The following INPP5A variants were observed in gnomAD, a reference collection of about 807,000 sequenced individuals.
INPP5A encodes the protein 43 kDa inositol polyphosphate 5-phophatase.
Under a neutral mutation model 65.2 loss-of-function variants are expected in INPP5A, and 14 were observed. The ratio of observed to expected loss-of-function variants is 0.21; its 90% CI spans 0.14 to 0.34. The LOEUF is 0.34. INPP5A is among the 10% of genes least tolerant of loss of function. The pLI is 1.00. For synonymous variants in INPP5A, 207 were observed against 208.3 expected (o/e 0.99, Z 0.05); for missense variants, 431 against 545.6 (o/e 0.79, Z 2.09).
At chr10:132,672,624 C>A (rs1359402246) in intron 4 of INPP5A, among the ~76,000 whole-genome samples, 6 of 152,162 alleles carry the variant, frequency 3.9e-5, no homozygotes, top group Admixed American at 3.9e-4. Flanking sequence ...CCATATTAAA[C>A]CTCTTTCTTT....
intron 8 of INPP5A, among the ~76,000 whole-genome samples, chr10:132,712,237 C>T (rs573823748): frequency 1.8e-4 from 27 of 151,474 alleles, no homozygotes; most frequent in African/African-American, 5.8e-4. Flanking sequence ...GTGTGCACAC[C>T]TTGTGTGCAT....
Position 132,718,743 on chromosome 10 carries a change from T to G in INPP5A, c.648-8078T>G, listed in dbSNP as rs541114404. ...GGTTCTGTGGTACCTGGGTTCTGTC[T>G]GGGCACCTTAGACGACTGTCTTCAG... is the stretch of plus-strand genomic sequence containing the variant. On this transcript the variant is annotated intron_variant, in intron 8 of 15. Transcript: ENST00000368594. 1.7e-3 allele frequency among the ~76,000 whole-genome samples: 256 copies of G among 150,202 alleles called. 4 individuals carry two copies. The highest frequency in any genetic ancestry group is 6.0e-3 in the African/African-American group (246 of 40,906).
intron 6 of INPP5A, among the ~76,000 whole-genome samples, chr10:132,702,177 AAT>A (rs1166985391): frequency 6.6e-6 from 1 of 152,240 alleles, no homozygotes; most frequent in Non-Finnish European, 1.5e-5. Flanking sequence ...ATTTTCTACA[AAT>A]ACTTTAGAAA....
rs2070954154 is a variant in INPP5A, at chr10:132,545,211, T to C, written c.75+7040T>C. On this transcript the variant is annotated intron_variant, in intron 1 of 15. Coordinates refer to ENST00000368594, the MANE Select transcript of INPP5A (RefSeq NM_005539.5). The surrounding 1 kb of genome is among the most constrained non-coding windows in gnomAD (Gnocchi z 4.6). ...GGGGTCTGATTTTGGGGGAAGAGGCTGGTACTGGGGTGTTTCCGTGGACTT... is the reference window on the plus strand; with the variant it reads ...GGGGTCTGATTTTGGGGGAAGAGGCCGGTACTGGGGTGTTTCCGTGGACTT... Among the ~76,000 whole-genome samples, 1 of 152,110 alleles carries C rather than the reference T, an allele frequency of 6.6e-6. No individual in the cohort carries two copies. Among genetic ancestry groups the C allele is most frequent in the African/African-American group, 2.4e-5 (1 of 41,408 alleles).
At chr10:132,567,632 C>CT (rs1222691040) in intron 1 of INPP5A, among the ~76,000 whole-genome samples, 3 of 152,138 alleles carry the variant, frequency 2.0e-5, no homozygotes, top group Middle Eastern at 3.2e-3. Context: ...ACCCACCTCC[C>CT]TTTTCCGCTC....
chr10:132,661,856 G>A (rs755604814), intron 4 of INPP5A, among the ~76,000 whole-genome samples: 50 of 152,170 alleles, frequency 3.3e-4, no homozygotes, highest in African/African-American at 1.1e-3. Context: ...ACATTATGGA[G>A]AGTCTAGAAA....
chr10:132,669,056 C>T (rs375239810), intron 4 of INPP5A, among the ~76,000 whole-genome samples: 146 of 152,172 alleles, frequency 9.6e-4, no homozygotes, highest in African/African-American at 3.4e-3. Context: ...AGATAGAGAC[C>T]ATTCTGCCAA....
chr10:132,656,414 G>A (rs1358212569), intron 4 of INPP5A, among the ~76,000 whole-genome samples: 4 of 152,220 alleles, frequency 2.6e-5, no homozygotes, highest in South Asian at 2.1e-4. Flanking sequence ...GTGGCCTGGC[G>A]GACACACTGC....
chr10:132,585,861 A>G (rs1564924914), intron 1 of INPP5A, among the ~76,000 whole-genome samples: 1 of 152,124 alleles, frequency 6.6e-6, no homozygotes, highest in Non-Finnish European at 1.5e-5. Context: ...TCGGGTGTCC[A>G]CTGCTGGTTC....
chr10:132,724,730 C>T (rs1417527248), intron 8 of INPP5A, among the ~76,000 whole-genome samples: 1 of 145,786 alleles, frequency 6.9e-6, no homozygotes, highest in Non-Finnish European at 1.5e-5. Context: ...CTCCATAACT[C>T]ACAGGGAGGC....
chr10:132,745,109 GC>G (rs1797523543), intron 9 of INPP5A, among the ~76,000 whole-genome samples: 1 of 152,326 alleles, frequency 6.6e-6, no homozygotes, highest in Non-Finnish European at 1.5e-5. Flanking sequence ...TTCTGGGAGG[GC>G]CTGGGGACAC....
intron 1 of INPP5A, among the ~76,000 whole-genome samples, chr10:132,592,363 C>CTA (rs1266452080): frequency 1.3e-5 from 2 of 152,190 alleles, no homozygotes; most frequent in African/African-American, 4.8e-5. Context: ...TGGGGTCTTA[C>CTA]TATAGACATT....
rs529145635 is a variant in INPP5A at position 132,565,809 on chromosome 10, CTG to C, written c.75+27642_75+27643del. 1.0e-3 allele frequency among the ~76,000 whole-genome samples: 149 copies of C among 148,238 alleles called. 1 individual carries two copies. The highest frequency in any genetic ancestry group is 2.6e-3 in the East Asian group (13 of 5,054). ...CGTGTGAGTATGTGTGTGTGGGTCT[CTG>C]TGTATGCATGTATGTGTGCATGTGT... is the stretch of plus-strand genomic sequence containing the variant. On this transcript the variant is annotated intron_variant, in intron 1 of 15. Coordinates refer to ENST00000368594, the MANE Select transcript of INPP5A (RefSeq NM_005539.5).
At position 132,765,842 on chromosome 10, in the gene INPP5A, C is replaced by A; in HGVS notation, c.973C>A (p.Pro325Thr). The A allele has an allele frequency of 6.3e-7, 1 of 1,590,044 alleles. No individual in the cohort carries two copies. The highest frequency in any genetic ancestry group is 8.6e-7 in the Non-Finnish European group (1 of 1,158,090). ...GTATGAACTGGACATCTCGTTCCCTCCCAGGTATGGAACATGCTGTTTGCT... is the reference window on the plus strand; with the variant it reads ...GTATGAACTGGACATCTCGTTCCCTACCAGGTATGGAACATGCTGTTTGCT... ...RLYELDISFPPSYPYSEDARQ... is the reference protein window; with the variant it reads ...RLYELDISFPTSYPYSEDARQ... Residue 325 changes from proline to threonine, a missense_variant, in exon 12 of 16, where the codon CCC becomes ACC. Physicochemically the swap from Pro to Thr is conservative, Grantham distance 38. Coordinates refer to ENST00000368594, the MANE Select transcript of INPP5A (RefSeq NM_005539.5).
chr10:132,711,170 G>A (rs1178548401), intron 8 of INPP5A, among the ~76,000 whole-genome samples: 2 of 152,198 alleles, frequency 1.3e-5, no homozygotes, highest in Non-Finnish European at 2.9e-5. Flanking sequence ...GTGGGAGCGT[G>A]GGGGCCACCT....
At chr10:132,596,953 A>ACATGTGTGCGTGTGTGTG (rs1564929084) in intron 1 of INPP5A, among the ~76,000 whole-genome samples, 1 of 118,276 alleles carries the variant, frequency 8.5e-6, no homozygotes, top group Non-Finnish European at 1.7e-5. Flanking sequence ...GCGTGTGTGC[A>ACATGTGTGCGTGTGTGTG]CACATGTGTG....
intron 11 of INPP5A, among the ~76,000 whole-genome samples, chr10:132,759,165 C>A (rs1846685378): frequency 6.6e-6 from 1 of 152,154 alleles, no homozygotes; most frequent in Non-Finnish European, 1.5e-5. Flanking sequence ...GAGGCCATGC[C>A]CGTCCACACG....
At chr10:132,563,695 GAGAAAGGAAAGGAAAGGAA>G (rs1183510642) in intron 1 of INPP5A, among the ~76,000 whole-genome samples, 1 of 151,892 alleles carries the variant, frequency 6.6e-6, no homozygotes, top group Non-Finnish European at 1.5e-5. Context: ...AAGGAAAGGA[GAGAAAGGAAAGGAAAGGAA>G]AGAAAGGAAA....
At chr10:132,770,107 C>T (rs1846922873) in intron 12 of INPP5A, among the ~76,000 whole-genome samples, 1 of 152,174 alleles carries the variant, frequency 6.6e-6, no homozygotes, top group African/African-American at 2.4e-5. Flanking sequence ...GAACCAGAGT[C>T]CCACCTCTGC....
Sources: gnomAD v4.1 joint callset for allele counts (sites outside exome capture counted in the v4.1 genomes callset) on GRCh38, gnomAD v4.1.1 for gene constraint, Gnocchi (gnomAD v3.1) non-coding constraint, MANE v1.5 for transcripts, NCBI Gene and HGNC (gene_info 2026-07-23, HGNC 2026-07-21) for gene names.